Variants in QSOX1 observed in about 807,000 individuals in gnomAD.
QSOX1 encodes the protein sulfhydryl oxidase 1.
Under a neutral mutation model 76.1 loss-of-function variants are expected in QSOX1, and 40 were observed. That is an observed-to-expected ratio of 0.53 (90% CI 0.41 to 0.68). The LOEUF is 0.68. Among genes scored for constraint, QSOX1 ranks in the 30% least tolerant of loss-of-function variants. QSOX1 has a pLI of 0.00. For synonymous variants in QSOX1, 392 were observed against 413.1 expected, an observed-to-expected ratio of 0.95 and a Z score of 0.62; for missense variants, 931 against 974.3, an observed-to-expected ratio of 0.96 and a Z score of 0.59.
At chr1:180,189,793 G>T (rs1398288846) in intron 9 of QSOX1, 119 bp downstream of exon 9, 6 of 1,158,200 alleles carry the variant, frequency 5.2e-6, no homozygotes, top group Middle Eastern at 2.1e-4. Flanking sequence ...AGTGATCTTC[G>T]TTGGGTCCTA....
intron 1 of QSOX1, among the ~76,000 whole-genome samples, chr1:180,159,915 G>C (rs747899105): frequency 3.5e-4 from 53 of 152,106 alleles, no homozygotes; most frequent in Non-Finnish European, 7.2e-4. Flanking sequence ...CTAAAACAGG[G>C]CATCAGCACT....
intron 2 of QSOX1, 94 bp from the exon 3 acceptor site, chr1:180,175,227 A>G (rs1008885682): frequency 6.9e-6 from 8 of 1,151,654 alleles, no homozygotes; most frequent in African/African-American, 1.5e-5. Flanking sequence ...CAGCCACCGC[A>G]TTGAATAAGT....
At chr1:180,164,361 T>C (rs1342968842) in intron 1 of QSOX1, among the ~76,000 whole-genome samples, 1 of 152,236 alleles carries the variant, frequency 6.6e-6, no homozygotes, top group East Asian at 1.9e-4. Flanking sequence ...CTCACTCTGC[T>C]AAATACTTTT....
chr1:180,197,330 C>T lies in QSOX1; in HGVS notation c.*293C>T. The stretch of plus-strand genomic sequence containing the variant: ...CTCTTAGCACCACATTCCTGTTTTT[C>T]AGCTTATTTGAAGTCCTGCCTCATT... On this transcript the variant is annotated 3_prime_UTR_variant, in exon 12 of 12. Transcript: ENST00000367602. 1.2e-6 allele frequency: 2 copies of T among 1,614,036 alleles called. No individual in the cohort carries two copies. The highest frequency in any genetic ancestry group is 1.7e-6 in the Non-Finnish European group (2 of 1,180,024).
At position 180,203,520 on chromosome 1, in the gene QSOX1, G is replaced by C. The variant is rs1013997540; in HGVS notation, c.*6483G>C. Reference sequence around the variant, plus strand: ...CTGGCTTTCACTTAAATATGTTTTCGAATGTTTGTAATAAAATATTTCTTT... The same window carrying C: ...CTGGCTTTCACTTAAATATGTTTTCCAATGTTTGTAATAAAATATTTCTTT... On this transcript the variant is annotated 3_prime_UTR_variant, in exon 12 of 12. Transcript: ENST00000367602. 1 of 152,112 alleles carries C rather than the reference G, an allele frequency of 6.6e-6. No homozygotes were observed. The highest frequency in any genetic ancestry group is 1.9e-4 in the East Asian group (1 of 5,204). The allele number at this position is 152,112 out of a possible 1,614,324, so 9.4% of individuals were successfully genotyped here. A position where few individuals can be genotyped will look rare whatever the true frequency, so the allele number is the denominator to read the frequency against.
At chr1:180,182,435 C>G (rs1663063574) in intron 6 of QSOX1, 116 bp downstream of exon 6, 11 of 1,393,174 alleles carry the variant, frequency 7.9e-6, no homozygotes, top group South Asian at 1.3e-5. Flanking sequence ...CTGAAGAGCC[C>G]CCTCAGGAGA....
Position 180,197,502 on chromosome 1 carries a change from T to C in QSOX1, c.*465T>C, listed in dbSNP as rs563074818. 1.0e-5 allele frequency: 12 copies of C among 1,165,832 alleles called. No individual in the cohort carries two copies. In the South Asian group the frequency reaches 1.2e-4, roughly 12 times the overall value. The allele number at this position is 1,165,832 out of a possible 1,614,324, so 72.2% of individuals were successfully genotyped here. A position where few individuals can be genotyped will look rare whatever the true frequency, so the allele number is the denominator to read the frequency against. On this transcript the variant is annotated 3_prime_UTR_variant, in exon 12 of 12. Coordinates refer to ENST00000367602, the MANE Select transcript of QSOX1 (RefSeq NM_002826.5). Reference sequence around the variant, plus strand: ...GCCCACCCTGCTCCCTTCCGGACAATGAAGAAGCCTTTGCACCCTGGGAGG... The same window carrying C: ...GCCCACCCTGCTCCCTTCCGGACAACGAAGAAGCCTTTGCACCCTGGGAGG...
chr1:180,181,848 A>G (rs1398244499), intron 5 of QSOX1, among the ~76,000 whole-genome samples: 1 of 152,292 alleles, frequency 6.6e-6, no homozygotes, highest in South Asian at 2.1e-4. Context: ...AAATGAAACC[A>G]CATTTTATTG....
chr1:180,191,604 G>T (rs1663316422), intron 10 of QSOX1, among the ~76,000 whole-genome samples: 1 of 152,264 alleles, frequency 6.6e-6, no homozygotes, highest in Non-Finnish European at 1.5e-5. Context: ...GCCAGTATCT[G>T]AGTGGCAGGA....
chr1:180,157,658 C>G (rs572494851), intron 1 of QSOX1, among the ~76,000 whole-genome samples: 1 of 152,214 alleles, frequency 6.6e-6, no homozygotes, highest in Middle Eastern at 3.4e-3. Context: ...CCTGCTGCCC[C>G]GGGGCAGAGC....
intron 6 of QSOX1, among the ~76,000 whole-genome samples, chr1:180,183,273 G>A (rs982021636): frequency 6.6e-6 from 1 of 152,144 alleles, no homozygotes; most frequent in Non-Finnish European, 1.5e-5. Context: ...TGGACCCGGC[G>A]TCTCTCTCTG....
intron 3 of QSOX1, among the ~76,000 whole-genome samples, 188 bp downstream of exon 3, chr1:180,175,554 T>G (rs1301189579): frequency 6.6e-6 from 1 of 152,174 alleles, no homozygotes; most frequent in Non-Finnish European, 1.5e-5. Context: ...AAAGGCAGGA[T>G]GAAGAAGCCC....
At chr1:180,176,734 C>T (rs1313089424) in intron 4 of QSOX1, among the ~76,000 whole-genome samples, 1 of 152,240 alleles carries the variant, frequency 6.6e-6, no homozygotes, top group Non-Finnish European at 1.5e-5. Flanking sequence ...ATAATGCCCA[C>T]CTCGGAGGAC....
Position 180,155,075 on chromosome 1 carries a change from C to T in QSOX1, c.168C>T (p.Gly56=), listed in dbSNP as rs1662342223. 1.3e-6 allele frequency: 2 copies of T among 1,520,406 alleles called. No individual in the cohort carries two copies. The highest frequency in any genetic ancestry group is 5.2e-5 in the East Asian group (2 of 38,268). The allele number at this position is 1,520,406 out of a possible 1,614,324, so 94.2% of individuals were successfully genotyped here. A position where few individuals can be genotyped will look rare whatever the true frequency, so the allele number is the denominator to read the frequency against. ...QADTVRGAVL[G]SRSAWAVEFF... ...ACACGGTGCGCGGCGCGGTGCTGGG[C>T]TCCCGCAGCGCCTGGGCCGTGGAGT... is the stretch of plus-strand genomic sequence containing the variant. Residue 56 remains glycine, a synonymous_variant, in exon 1 of 12, where the codon GGC becomes GGT. Transcript: ENST00000367602.
Position 180,175,372 on chromosome 1 carries a change from TG to T in QSOX1, c.412+7del. The T allele has an allele frequency of 6.2e-7, 1 of 1,613,338 alleles. No homozygotes were observed. The highest frequency in any genetic ancestry group is 1.7e-4 in the Middle Eastern group (1 of 5,790). ...CTCGGGAGCAGTATTTCCAGGTGGG[TG>T]CCCAGCTCTGGTTGTCCTGTTAGCA... On this transcript the variant is annotated splice_region_variant and intron_variant, in intron 3 of 11. Coordinates refer to ENST00000367602, the MANE Select transcript of QSOX1 (RefSeq NM_002826.5).
In QSOX1 at chr1:180,197,012, G is replaced by T. The variant is rs1424415803; in HGVS notation, c.2219G>T (p.Gly740Val). Residue 740 changes from glycine (G) to valine (V), a missense_variant, in exon 12 of 12, where the codon GGC becomes GTC. By Grantham distance (109) the Gly-to-Val change is moderately radical. Transcript: ENST00000367602. ...YFQAKIRALK[G>V]HAGHPAA The stretch of plus-strand genomic sequence containing the variant: ...CAGGCCAAGATAAGGGCCCTGAAGG[G>T]CCATGCTGGCCACCCTGCAGCCTGA... 3.1e-6 allele frequency: 5 copies of T among 1,611,134 alleles called. No homozygotes were observed. The highest frequency in any genetic ancestry group is 4.2e-6 in the Non-Finnish European group (5 of 1,178,664).
At position 180,197,619 on chromosome 1, in the gene QSOX1, TCTGGAAGTCGTG is replaced by T; in HGVS notation, c.*587_*598del. The T allele has an allele frequency of 1.9e-6, 1 of 514,092 alleles. No homozygotes were observed. The highest frequency in any genetic ancestry group is 3.5e-6 in the Non-Finnish European group (1 of 285,684). 31.8% of individuals were successfully genotyped at this position (514,092 alleles called of 1,614,324 possible). ...GGCTTCAGGGTGGGGTTTGGAAGCT[TCTGGAAGTCGTG>T]CTGGTCTCCCAGGTGAGGCAAGCCA... On this transcript the variant is annotated 3_prime_UTR_variant, in exon 12 of 12. Transcript: ENST00000367602.
intron 6 of QSOX1, 62 bp from the exon 7 acceptor site, chr1:180,183,854 G>T: frequency 2.0e-6 from 3 of 1,501,350 alleles, no homozygotes; most frequent in Non-Finnish European, 1.8e-6. Flanking sequence ...TCTGACATTG[G>T]TTAGCTCTAA....
Position 180,202,126 on chromosome 1 carries a change from T to C in QSOX1, c.*5089T>C, listed in dbSNP as rs1269927715. On this transcript the variant is annotated 3_prime_UTR_variant, in exon 12 of 12. Transcript: ENST00000367602. Reference sequence around the variant, plus strand: ...AGGCAGAGGAGGAGACCTTTGCCAATGTGAGAGAACAAAGTTAAGGGGCAG... The same window carrying C: ...AGGCAGAGGAGGAGACCTTTGCCAACGTGAGAGAACAAAGTTAAGGGGCAG... 3.3e-5 allele frequency: 5 copies of C among 152,230 alleles called. No individual in the cohort carries two copies. The East Asian group carries it at 7.7e-4, about 23-fold the overall frequency. 9.4% of individuals were successfully genotyped at this position (152,230 alleles called of 1,614,324 possible).
Sources: gnomAD v4.1 joint callset for allele counts (sites outside exome capture counted in the v4.1 genomes callset) on GRCh38, gnomAD v4.1.1 for gene constraint, MANE v1.5 for transcripts, NCBI Gene and HGNC (gene_info 2026-07-23, HGNC 2026-07-21) for gene names.